The following PDE7B variants were observed in gnomAD, a reference collection of about 807,000 sequenced individuals.
The protein encoded by PDE7B is phosphodiesterase 7B, also known as 3',5'-cyclic-AMP phosphodiesterase 7B.
In PDE7B, 29 loss-of-function variants were observed where a neutral mutation model predicts 56.2. The ratio of observed to expected loss-of-function variants is 0.52; its 90% CI spans 0.38 to 0.70. PDE7B has a LOEUF of 0.70. PDE7B is among the 30% of genes least tolerant of loss of function. The pLI is 0.00. For synonymous variants in PDE7B, 197 were observed against 196.9 expected (o/e 1.00, Z 0.00); for missense variants, 490 against 565.0 (o/e 0.87, Z 1.35).
chr6:135,912,166 T>G (rs753683588), intron 1 of PDE7B, among the ~76,000 whole-genome samples: 12 of 152,188 alleles, frequency 7.9e-5, no homozygotes, highest in Non-Finnish European at 1.3e-4. Flanking sequence ...AGCGAAGAGT[T>G]GCTATACATT....
chr6:135,891,965 C>G (rs952946071), intron 1 of PDE7B, among the ~76,000 whole-genome samples: 12 of 151,988 alleles, frequency 7.9e-5, no homozygotes, highest in African/African-American at 2.4e-5. Flanking sequence ...AGCACATGGT[C>G]TATAGTTGGT....
intron 2 of PDE7B, among the ~76,000 whole-genome samples, chr6:136,012,432 G>A (rs1473555881): frequency 6.6e-6 from 1 of 152,214 alleles, no homozygotes; most frequent in Non-Finnish European, 1.5e-5. Context: ...ACTGGCTTAA[G>A]TCACTGCTTC....
intron 2 of PDE7B, among the ~76,000 whole-genome samples, chr6:135,992,312 T>C (rs958290372): frequency 1.3e-5 from 2 of 152,228 alleles, no homozygotes; most frequent in East Asian, 3.8e-4. Context: ...ATGCAGCCCT[T>C]GGGCCACGGA....
chr6:136,146,209 A>G (rs953808484), intron 3 of PDE7B, among the ~76,000 whole-genome samples: 25 of 152,350 alleles, frequency 1.6e-4, no homozygotes, highest in Middle Eastern at 3.4e-3. Flanking sequence ...AAATTACTTT[A>G]CATATGAGCC....
chr6:136,118,903 G>A (rs928180324), intron 3 of PDE7B, among the ~76,000 whole-genome samples: 2 of 152,044 alleles, frequency 1.3e-5, no homozygotes, highest in African/African-American at 4.8e-5. Flanking sequence ...ATCAGATTTT[G>A]CAATATTTCT....
chr6:135,966,945 A>G (rs1775006010), intron 2 of PDE7B, among the ~76,000 whole-genome samples: 1 of 152,062 alleles, frequency 6.6e-6, no homozygotes, highest in Non-Finnish European at 1.5e-5. Flanking sequence ...GTGTGGCCCC[A>G]TCTCCCGTGT....
intron 2 of PDE7B, among the ~76,000 whole-genome samples, chr6:136,005,002 A>G (rs1438981735): frequency 1.3e-5 from 2 of 152,206 alleles, no homozygotes; most frequent in South Asian, 2.1e-4. Context: ...GTACCAATAC[A>G]GAGATATAGA....
chr6:136,084,369 G>T (rs1777254223), intron 2 of PDE7B, among the ~76,000 whole-genome samples: 1 of 152,086 alleles, frequency 6.6e-6, no homozygotes, highest in Admixed American at 6.6e-5. Flanking sequence ...AATATCTGCA[G>T]AACTGTGCCA....
chr6:135,934,864 A>ATTTAAAT (rs1562445096), intron 1 of PDE7B, among the ~76,000 whole-genome samples: 7 of 94,802 alleles, frequency 7.4e-5, no homozygotes, highest in African/African-American at 3.3e-4. Context: ...AATATATATA[A>ATTTAAAT]AAATATATAT....
chr6:136,150,890 A>T (rs1340513707), intron 5 of PDE7B, among the ~76,000 whole-genome samples: 1 of 127,516 alleles, frequency 7.8e-6, no homozygotes, highest in East Asian at 2.5e-4. Flanking sequence ...TATCCCTGAC[A>T]CCTCAGTAGG....
At chr6:136,113,356 G>T (rs754109157) in intron 3 of PDE7B, among the ~76,000 whole-genome samples, 6 of 152,108 alleles carry the variant, frequency 3.9e-5, no homozygotes, top group Non-Finnish European at 8.8e-5. Context: ...TTTCATAAGA[G>T]ATTCATCTAG....
intron 2 of PDE7B, among the ~76,000 whole-genome samples, chr6:136,106,014 C>A (rs1416526792): frequency 2.0e-5 from 3 of 151,752 alleles, no homozygotes; most frequent in Admixed American, 2.0e-4. Context: ...ACAAGCCCAG[C>A]CAGCTTTGTA....
intron 2 of PDE7B, among the ~76,000 whole-genome samples, chr6:136,062,772 A>ATT (rs1343781465): frequency 6.6e-6 from 1 of 152,064 alleles, no homozygotes; most frequent in African/African-American, 2.4e-5. Context: ...AAAAGACCAA[A>ATT]TTGCTCTCTG....
Position 136,154,087 on chromosome 6 carries a change from A to G in PDE7B, c.491A>G (p.Glu164Gly), listed in dbSNP as rs137950881. 2.5e-6 allele frequency: 4 copies of G among 1,613,092 alleles called. No homozygotes were observed. In the African/African-American group the frequency reaches 5.3e-5, roughly 22 times the overall value. The change falls in exon 7 of 13, where the codon GAA becomes GGA. Residue 164 changes from glutamate to glycine, a missense_variant. Transcript: ENST00000308191. ...TLHRFLVMVQ[E>G]DYHSQNPYHN... The stretch of plus-strand genomic sequence containing the variant: ...GTTTACCTCCCAGTCATGGTTCAAG[A>G]AGATTACCACAGCCAAAACCCGTAT...
At chr6:135,853,652 G>A (rs1386664468) in intron 1 of PDE7B, among the ~76,000 whole-genome samples, 1 of 152,134 alleles carries the variant, frequency 6.6e-6, no homozygotes, top group East Asian at 1.9e-4. Context: ...TCTAATTTCA[G>A]AATGTACTCA....
At chr6:135,955,155 T>G (rs759107797) in intron 2 of PDE7B, among the ~76,000 whole-genome samples, 16 of 151,914 alleles carry the variant, frequency 1.1e-4, no homozygotes, top group Non-Finnish European at 1.0e-4. Context: ...TGTGCCAGAG[T>G]AGGGATGCAA....
intron 2 of PDE7B, among the ~76,000 whole-genome samples, chr6:136,095,090 C>T (rs1366197878): frequency 6.6e-6 from 1 of 152,176 alleles, no homozygotes; most frequent in Non-Finnish European, 1.5e-5. Context: ...CTTGGCTATT[C>T]AGTACACATT....
intron 1 of PDE7B, among the ~76,000 whole-genome samples, chr6:135,855,585 GT>G (rs1775011680): frequency 6.6e-6 from 1 of 152,176 alleles, no homozygotes; most frequent in Non-Finnish European, 1.5e-5. Context: ...TTGCAATGGT[GT>G]TCTCAAAAAT....
chr6:135,957,309 A>G (rs1774814826), intron 2 of PDE7B, among the ~76,000 whole-genome samples: 1 of 152,170 alleles, frequency 6.6e-6, no homozygotes, highest in African/African-American at 2.4e-5. Flanking sequence ...GAAATATAAA[A>G]AAACTGAATA....
Sources: allele counts gnomAD v4.1 joint callset (sites outside exome capture counted in the v4.1 genomes callset), GRCh38; gene constraint gnomAD v4.1.1; transcripts MANE v1.5; gene names NCBI Gene and HGNC (gene_info 2026-07-23, HGNC 2026-07-21).